PHACTR1: variants seen among roughly 807,000 people sequenced by gnomAD.
PHACTR1 encodes RPEL repeat containing 1.
In PHACTR1, 16 loss-of-function variants were observed where a neutral mutation model predicts 69.2. The ratio of observed to expected loss-of-function variants is 0.23; its 90% CI spans 0.16 to 0.35. The LOEUF (loss-of-function observed/expected upper bound fraction) is 0.35, where lower values mean the gene tolerates loss of function less well. Among genes scored for constraint, PHACTR1 ranks in the 10% least tolerant of loss-of-function variants. The pLI is 1.00. For missense variants in PHACTR1, 510 were observed against 734.7 expected, an observed-to-expected ratio of 0.69 and a Z score of 3.54; for synonymous variants, 312 against 284.5, an observed-to-expected ratio of 1.10 and a Z score of -0.97.
chr6:13,053,213 C>G (rs1332633426), intron 4 of PHACTR1, among the ~76,000 whole-genome samples, 152 bp from the exon 5 acceptor site: 1 of 152,208 alleles, frequency 6.6e-6, no homozygotes, highest in Non-Finnish European at 1.5e-5. Flanking sequence ...TCAGAACACA[C>G]TGGTGTGACT....
intron 4 of PHACTR1, among the ~76,000 whole-genome samples, chr6:13,023,919 A>G (rs375402581): frequency 3.3e-5 from 5 of 152,344 alleles, no homozygotes; most frequent in Non-Finnish European, 7.4e-5. Context: ...TCTACTAAAA[A>G]TACAAAAATT....
Position 13,074,606 on chromosome 6 carries a change from G to A in PHACTR1, c.415+21077G>A, listed in dbSNP as rs148798734. ...GATTTGAGGAAGGCCATGCCCAGAAGAAATGGCAAATTGCCAGGAATTTAA... is the reference window on the plus strand; with the variant it reads ...GATTTGAGGAAGGCCATGCCCAGAAAAAATGGCAAATTGCCAGGAATTTAA... On this transcript the variant is annotated intron_variant, in intron 5 of 14. Coordinates refer to ENST00000332995, the MANE Select transcript of PHACTR1 (RefSeq NM_030948.6). 4.3e-3 allele frequency among the ~76,000 whole-genome samples: 661 copies of A among 152,318 alleles called. 2 individuals carry two copies. Among genetic ancestry groups the A allele is most frequent in the Non-Finnish European group, 7.1e-3 (481 of 68,018 alleles).
chr6:12,987,397 C>T (rs953840098), intron 4 of PHACTR1, among the ~76,000 whole-genome samples: 7 of 152,134 alleles, frequency 4.6e-5, no homozygotes, highest in African/African-American at 1.7e-4. Flanking sequence ...GATGAGAGCT[C>T]AACTTGGAAC....
chr6:13,228,833 G>A (rs1483358871), intron 9 of PHACTR1, among the ~76,000 whole-genome samples: 2 of 152,244 alleles, frequency 1.3e-5, no homozygotes, highest in Non-Finnish European at 2.9e-5. Flanking sequence ...AAGGGGCAAC[G>A]CTGGGGTTTG....
At chr6:13,022,273 G>T (rs1801080635) in intron 4 of PHACTR1, among the ~76,000 whole-genome samples, 1 of 152,182 alleles carries the variant, frequency 6.6e-6, no homozygotes, top group Non-Finnish European at 1.5e-5. Context: ...AGGCCGAGGG[G>T]ACCTCCGACG....
At chr6:12,827,194 A>G (rs1184193547) in intron 4 of PHACTR1, among the ~76,000 whole-genome samples, 1 of 152,222 alleles carries the variant, frequency 6.6e-6, no homozygotes, top group African/African-American at 2.4e-5. Flanking sequence ...TAATTACTTT[A>G]GAGATAAGAA....
rs57068347 is a variant in PHACTR1, at chr6:13,245,678, AT to A, written c.1391+15495del. Reference sequence around the variant, plus strand: ...TGGTTTAATTAGGTGCCATTTGTCAATTTTTTTTTTCGTTGCAATTGCTTTT... The same window carrying A: ...TGGTTTAATTAGGTGCCATTTGTCAATTTTTTTTTCGTTGCAATTGCTTTT... On this transcript the variant is annotated intron_variant, in intron 10 of 14. Transcript: ENST00000332995. This position sits in a 1 kb window ranked among gnomAD's most constrained non-coding sequence, Gnocchi z 4.1. Among the ~76,000 whole-genome samples the A allele has an allele frequency of 7.9e-3, 1,175 of 148,820 alleles. 17 individuals carry two copies. The highest frequency in any genetic ancestry group is 0.026 in the African/African-American group (1,069 of 40,574).
At chr6:12,748,141 T>C (rs140229557) in intron 3 of PHACTR1, among the ~76,000 whole-genome samples, 3 of 151,114 alleles carry the variant, frequency 2.0e-5, no homozygotes, top group Non-Finnish European at 3.0e-5. Context: ...TGGCCAGGAG[T>C]TCCACGGGAA....
chr6:12,962,810 T>C (rs1792918327), intron 4 of PHACTR1, among the ~76,000 whole-genome samples: 1 of 152,190 alleles, frequency 6.6e-6, no homozygotes, highest in Admixed American at 6.5e-5. Flanking sequence ...CCTTTCACTG[T>C]TTCATCACTT....
intron 8 of PHACTR1, among the ~76,000 whole-genome samples, chr6:13,208,633 C>CT (rs1554160331): frequency 6.6e-6 from 1 of 150,406 alleles, no homozygotes. Context: ...TGCTGCCCAC[C>CT]CCCCCAACCC....
At chr6:13,212,756 G>A (rs1265060441) in intron 8 of PHACTR1, among the ~76,000 whole-genome samples, 2 of 152,046 alleles carry the variant, frequency 1.3e-5, no homozygotes, top group Admixed American at 1.3e-4. Context: ...TCCTGACGGG[G>A]CCTTGGCACT....
intron 4 of PHACTR1, among the ~76,000 whole-genome samples, chr6:12,801,795 G>T (rs1049539251): frequency 2.6e-5 from 4 of 152,276 alleles, no homozygotes; most frequent in East Asian, 1.9e-4. Context: ...GAGCAAAGAA[G>T]AATCTCTGCC....
chr6:13,085,012 C>T (rs1000064260), intron 5 of PHACTR1, among the ~76,000 whole-genome samples: 24 of 151,850 alleles, frequency 1.6e-4, no homozygotes, highest in African/African-American at 4.6e-4. Context: ...CAAATATGTC[C>T]GCAATTACAA....
At chr6:12,826,463 A>C (rs1776813903) in intron 4 of PHACTR1, among the ~76,000 whole-genome samples, 1 of 152,204 alleles carries the variant, frequency 6.6e-6, no homozygotes, top group South Asian at 2.1e-4. Flanking sequence ...CTTGTAGAAC[A>C]GATGACTTTT....
At chr6:13,207,768 C>A (rs1217786120) in intron 8 of PHACTR1, among the ~76,000 whole-genome samples, 1 of 152,130 alleles carries the variant, frequency 6.6e-6, no homozygotes, top group Non-Finnish European at 1.5e-5. Flanking sequence ...ATGCTTGTCC[C>A]ATAGTAGTGG....
At chr6:12,880,981 A>G (rs537529839) in intron 4 of PHACTR1, among the ~76,000 whole-genome samples, 1 of 147,236 alleles carries the variant, frequency 6.8e-6, no homozygotes, top group African/African-American at 2.7e-5. Flanking sequence ...GTCATTATCT[A>G]AGGGGGATAT....
chr6:13,005,053 G>T (rs1187116774), intron 4 of PHACTR1, among the ~76,000 whole-genome samples: 1 of 151,644 alleles, frequency 6.6e-6, no homozygotes, highest in Non-Finnish European at 1.5e-5. Flanking sequence ...AAGCCCAGCA[G>T]TTTCTCAGAT....
chr6:13,047,720 G>A (rs187107091), intron 4 of PHACTR1, among the ~76,000 whole-genome samples: 34 of 152,240 alleles, frequency 2.2e-4, no homozygotes, highest in African/African-American at 8.2e-4. Flanking sequence ...CTAGACATCA[G>A]ATGGCACAGA....
chr6:12,743,949 A>C (rs1011175842), intron 3 of PHACTR1, among the ~76,000 whole-genome samples: 2 of 152,194 alleles, frequency 1.3e-5, no homozygotes, highest in Non-Finnish European at 2.9e-5. Context: ...AAATTATAAC[A>C]AACTGTCTCT....
Sources: gnomAD v4.1 joint callset for allele counts (sites outside exome capture counted in the v4.1 genomes callset) on GRCh38, gnomAD v4.1.1 for gene constraint, Gnocchi (gnomAD v3.1) non-coding constraint, MANE v1.5 for transcripts, NCBI Gene and HGNC (gene_info 2026-07-23, HGNC 2026-07-21) for gene names.